Variants in IQANK1 observed in about 807,000 individuals in gnomAD.
IQANK1 encodes the protein IQ motif and ankyrin repeat containing 1, also known as IQ motif and ankyrin repeat domain-containing protein 1.
In IQANK1, 30 loss-of-function variants were observed where a neutral mutation model predicts 22.6. The observed-to-expected ratio is 1.33, with a 90% CI of 0.99 to 1.80. The LOEUF (loss-of-function observed/expected upper bound fraction) is 1.80. Among genes scored for constraint, IQANK1 ranks in the 40% most tolerant of loss-of-function variants. The probability of loss-of-function intolerance (pLI) is 0.00; values close to 1 mark genes in which losing one functional copy is unlikely to be tolerated. For missense variants in IQANK1, 275 were observed against 235.2 expected (o/e 1.17, Z -1.11); for synonymous variants, 122 against 99.6 (o/e 1.23, Z -1.34).
At chr8:143,761,178 G>C (rs1441342535) in intron 3 of IQANK1, among the ~76,000 whole-genome samples, 1 of 152,216 alleles carries the variant, frequency 6.6e-6, no homozygotes, top group Non-Finnish European at 1.5e-5. Flanking sequence ...CCCGAGAAGG[G>C]ACCCGGAGCA....
intron 7 of IQANK1, among the ~76,000 whole-genome samples, chr8:143,776,327 C>CA (rs57571355): frequency 0.82 from 86,747 of 105,656 alleles, 36,310 homozygotes; most frequent in Non-Finnish European, 0.91. Context: ...GACTCCGTCT[C>CA]AAAAAAAAAA....
At position 143,749,208 on chromosome 8, in the gene IQANK1, CAT is replaced by C. The variant is rs1213345729; in HGVS notation, c.175+9267_175+9268del. On this transcript the variant is annotated intron_variant, in intron 3 of 13. Transcript: ENST00000527139. ...AAATATATATCATATATAAATATAT[CAT>C]ATATATCATATATAAATATATACCT... Among the ~76,000 whole-genome samples the C allele has an allele frequency of 1.9e-4, 22 of 118,380 alleles. 1 individual carries two copies. The South Asian group carries it at 2.2e-3, about 12-fold the overall frequency. 77.7% of individuals were successfully genotyped at this position (118,380 alleles called of 152,430 possible).
intron 7 of IQANK1, among the ~76,000 whole-genome samples, chr8:143,782,766 G>A (rs1386918012): frequency 1.3e-5 from 2 of 152,306 alleles, no homozygotes; most frequent in Admixed American, 6.5e-5. Context: ...ATGAGCCACC[G>A]TGCCTGGCCT....
chr8:143,760,639 G>A (rs1819378276), intron 3 of IQANK1: 1 of 152,202 alleles, frequency 6.6e-6, no homozygotes, highest in Non-Finnish European at 1.5e-5. Context: ...CCCTGAGCGT[G>A]TCACTGCAAT....
chr8:143,779,102 A>G (rs1819744133), intron 7 of IQANK1, among the ~76,000 whole-genome samples: 1 of 152,164 alleles, frequency 6.6e-6, no homozygotes, highest in African/African-American at 2.4e-5. Flanking sequence ...AAATAAATTT[A>G]TAAGCTTATA....
At chr8:143,751,979 T>C (rs1554628101) in intron 3 of IQANK1, among the ~76,000 whole-genome samples, 1 of 152,080 alleles carries the variant, frequency 6.6e-6, no homozygotes, top group Non-Finnish European at 1.5e-5. Flanking sequence ...TATTTTTTTA[T>C]TTTTGAGAGA....
intron 7 of IQANK1, among the ~76,000 whole-genome samples, chr8:143,773,307 AAAAAAAAAAC>A (rs1312695583): frequency 2.1e-5 from 3 of 143,326 alleles, no homozygotes; most frequent in African/African-American, 8.8e-5. Context: ...ACTCAAAAAA[AAAAAAAAAAC>A]AAAAAAAACA....
At chr8:143,780,555 T>C (rs1189149184) in intron 7 of IQANK1, among the ~76,000 whole-genome samples, 1 of 152,208 alleles carries the variant, frequency 6.6e-6, no homozygotes, top group Non-Finnish European at 1.5e-5. Flanking sequence ...AGCTCCCGTT[T>C]ACAGGTGAGA....
At chr8:143,761,231 C>G (rs1381668149) in intron 3 of IQANK1, among the ~76,000 whole-genome samples, 4 of 152,182 alleles carry the variant, frequency 2.6e-5, no homozygotes, top group African/African-American at 9.6e-5. Flanking sequence ...CGCCGCCACC[C>G]TTTACCCCCG....
rs1361638030 is a variant in IQANK1 at position 143,752,805 on chromosome 8, T to TA, written c.175+12859dup. ...AGTAGCTATACCATGTAGGCTTGTA[T>TA]AAGTACTCTCTACGATGTTCACACA... On this transcript the variant is annotated intron_variant, in intron 3 of 13. Coordinates refer to ENST00000527139, the MANE Select transcript of IQANK1 (RefSeq NM_001381874.1). 2.6e-5 allele frequency among the ~76,000 whole-genome samples: 4 copies of TA among 152,174 alleles called. No homozygotes were observed. In the South Asian group the frequency reaches 8.3e-4, roughly 32 times the overall value.
chr8:143,773,921 A>G (rs1819634418), intron 7 of IQANK1, among the ~76,000 whole-genome samples: 1 of 152,074 alleles, frequency 6.6e-6, no homozygotes, highest in Non-Finnish European at 1.5e-5. Context: ...TGAGAAGGGC[A>G]GCAGCTGGGG....
Position 143,789,454 on chromosome 8 carries a change from G to T in IQANK1, c.1012G>T (p.Glu338Ter). The stretch of plus-strand genomic sequence containing the variant: ...CACCCAGCTGCAACAGGCCTACTGT[G>T]AGCTTAGCCGGAGGATCTCAGAGCA... ...CHKELQQAYC[E>*]LSRRISEHDQ... is the part of the protein sequence containing the mutation. The change falls in exon 10 of 14, where the codon GAG becomes TAG. Residue 338 changes from glutamate to a stop codon, truncating the protein, a stop_gained. Coordinates refer to ENST00000527139, the MANE Select transcript of IQANK1 (RefSeq NM_001381874.1). LOFTEE classifies it high-confidence loss of function. The T allele has an allele frequency of 8.1e-7, 1 of 1,232,094 alleles. No homozygotes were observed. Among genetic ancestry groups the T allele is most frequent in the Non-Finnish European group, 1.0e-6 (1 of 988,034 alleles). 76.3% of individuals were successfully genotyped at this position (1,232,094 alleles called of 1,614,324 possible).
rs1316922472 is a variant in IQANK1, at chr8:143,758,341, G to C, written c.176-13147G>C. 1 of 152,242 alleles carries C rather than the reference G, an allele frequency of 6.6e-6. No individual in the cohort carries two copies. Among genetic ancestry groups the C allele is most frequent in the African/African-American group, 2.4e-5 (1 of 41,420 alleles). The allele number at this position is 152,242 out of a possible 1,614,324, so 9.4% of individuals were successfully genotyped here. On this transcript the variant is annotated intron_variant, in intron 3 of 13. Coordinates refer to ENST00000527139, the MANE Select transcript of IQANK1 (RefSeq NM_001381874.1). This position sits in a 1 kb window ranked among gnomAD's most constrained non-coding sequence, Gnocchi z 4.2. ...TAGCTGGGCATGGTGGCACATGCCT[G>C]TAGTCCTAGCTACTCGAAGGCTGAC... is the stretch of plus-strand genomic sequence containing the variant.
At chr8:143,743,166 C>T (rs1046087291) in intron 3 of IQANK1, 39 of 394,142 alleles carry the variant, frequency 9.9e-5, no homozygotes, top group Non-Finnish European at 4.1e-5. Context: ...GGGTTTCCTT[C>T]CCTCTGGCTC....
intron 3 of IQANK1, among the ~76,000 whole-genome samples, chr8:143,761,235 A>G (rs1399500882): frequency 1.3e-5 from 2 of 151,650 alleles, no homozygotes; most frequent in Admixed American, 6.6e-5. Flanking sequence ...GCCACCCTTT[A>G]CCCCCGGGGC....
In IQANK1 at chr8:143,768,743, TG is replaced by T. The variant is rs200676974; in HGVS notation, c.176-2744del. Among the ~76,000 whole-genome samples the T allele has an allele frequency of 9.6e-3, 1,464 of 152,340 alleles. 25 individuals carry two copies. Among genetic ancestry groups the T allele is most frequent in the African/African-American group, 0.033 (1,374 of 41,574 alleles). On this transcript the variant is annotated intron_variant, in intron 3 of 13. Coordinates refer to ENST00000527139, the MANE Select transcript of IQANK1 (RefSeq NM_001381874.1). ...TGATGCTAAATATATTAAATTTTTC[TG>T]TTGCTGCTTGTGTACAGAAATACAC...
At position 143,774,475 on chromosome 8, in the gene IQANK1, G is replaced by A. The variant is rs1360718048; in HGVS notation, c.789+1993G>A. Among the ~76,000 whole-genome samples the A allele has an allele frequency of 6.6e-6, 1 of 152,214 alleles. No homozygotes were observed. Among genetic ancestry groups the A allele is most frequent in the Non-Finnish European group, 1.5e-5 (1 of 68,036 alleles). Reference sequence around the variant, plus strand: ...GTTGCACACCACCTCACACCTCCCAGGACAGCCCAGGTCAAACTAGAGCTG... The same window carrying A: ...GTTGCACACCACCTCACACCTCCCAAGACAGCCCAGGTCAAACTAGAGCTG... On this transcript the variant is annotated intron_variant, in intron 7 of 13. Transcript: ENST00000527139. The surrounding 1 kb of genome is among the most constrained non-coding windows in gnomAD (Gnocchi z 4.2).
rs556503627 is a variant in IQANK1, at chr8:143,782,174, A to G, written c.790-6741A>G. On this transcript the variant is annotated intron_variant, in intron 7 of 13. Transcript: ENST00000527139. ...TTGTACATTTATTTTGTATCCTGAA[A>G]CTTTTCTGAAGTTGTTTAGCAGCTG... Among the ~76,000 whole-genome samples, 88 of 152,248 alleles carry G rather than the reference A, an allele frequency of 5.8e-4. 4 individuals are homozygous for G. The highest frequency in any genetic ancestry group is 1.0e-4 in the Non-Finnish European group (7 of 68,016).
chr8:143,789,714 C>T, intron 10 of IQANK1, 47 bp from the exon 11 acceptor site: 1 of 1,225,646 alleles, frequency 8.2e-7, no homozygotes, highest in Non-Finnish European at 1.0e-6. Flanking sequence ...CCTCTCCAGC[C>T]AGAGCATGGG....
Sources: gnomAD v4.1 joint callset for allele counts (sites outside exome capture counted in the v4.1 genomes callset) on GRCh38, gnomAD v4.1.1 for gene constraint, Gnocchi (gnomAD v3.1) non-coding constraint, MANE v1.5 for transcripts, NCBI Gene and HGNC (gene_info 2026-07-23, HGNC 2026-07-21) for gene names.